LZTS1: variants seen among roughly 807,000 people sequenced by gnomAD.
The protein encoded by LZTS1 is leucine zipper tumor suppressor 1.
In LZTS1, 31 loss-of-function variants were observed where a neutral mutation model predicts 45.8. The ratio of observed to expected loss-of-function variants is 0.68; its 90% CI spans 0.51 to 0.91. The LOEUF (loss-of-function observed/expected upper bound fraction) is 0.91. Among genes scored for constraint, LZTS1 ranks in the 40% least tolerant of loss-of-function variants. The pLI is 0.00. For missense variants in LZTS1, 821 were observed against 788.9 expected, an observed-to-expected ratio of 1.04 and a Z score of -0.49; for synonymous variants, 359 against 357.3, an observed-to-expected ratio of 1.00 and a Z score of -0.05.
chr8:20,285,371 G>C (rs1487916214), intron 1 of LZTS1, among the ~76,000 whole-genome samples: 3 of 151,818 alleles, frequency 2.0e-5, no homozygotes, highest in Admixed American at 1.3e-4. Flanking sequence ...ATGTCTCTGG[G>C]GCTTATCCAT....
chr8:20,267,606 C>G (rs1470398091), intron 1 of LZTS1, among the ~76,000 whole-genome samples: 1 of 152,090 alleles, frequency 6.6e-6, no homozygotes, highest in Non-Finnish European at 1.5e-5. Context: ...ACCTCTGCCT[C>G]CCGGGTTCAA....
At chr8:20,273,318 T>C (rs1011406166) in intron 1 of LZTS1, among the ~76,000 whole-genome samples, 1 of 152,174 alleles carries the variant, frequency 6.6e-6, no homozygotes, top group East Asian at 1.9e-4. Flanking sequence ...TCTGAGACCC[T>C]GACCTCTGCT....
intron 1 of LZTS1, among the ~76,000 whole-genome samples, chr8:20,284,633 G>A (rs559950128): frequency 6.6e-6 from 1 of 151,996 alleles, no homozygotes; most frequent in East Asian, 1.9e-4. Context: ...CTGACCTCGG[G>A]GTACTAAGCC....
chr8:20,250,574 AT>A (rs1799868604), intron 3 of LZTS1, among the ~76,000 whole-genome samples: 1 of 152,280 alleles, frequency 6.6e-6, no homozygotes, highest in Non-Finnish European at 1.5e-5. Context: ...AAATGATAAA[AT>A]AATAATAATC....
At chr8:20,252,194 G>T (rs1203816489) in intron 3 of LZTS1, among the ~76,000 whole-genome samples, 1 of 152,012 alleles carries the variant, frequency 6.6e-6, no homozygotes, top group African/African-American at 2.4e-5. Flanking sequence ...GACCGGGTGA[G>T]TGAGTGTGTG....
At chr8:20,275,370 A>C (rs1800558984) in intron 1 of LZTS1, among the ~76,000 whole-genome samples, 2 of 146,838 alleles carry the variant, frequency 1.4e-5, no homozygotes, top group African/African-American at 2.5e-5. Flanking sequence ...GCGCCACTGC[A>C]CTCCAGCCTG....
At chr8:20,277,115 G>C (rs1800599788) in intron 1 of LZTS1, among the ~76,000 whole-genome samples, 1 of 152,200 alleles carries the variant, frequency 6.6e-6, no homozygotes, top group Admixed American at 6.5e-5. Flanking sequence ...AACAGGCTGT[G>C]GTAAAGAAGC....
At chr8:20,302,573 C>A (rs1801099589) in intron 1 of LZTS1, among the ~76,000 whole-genome samples, 1 of 152,180 alleles carries the variant, frequency 6.6e-6, no homozygotes, top group Admixed American at 6.5e-5. Flanking sequence ...GGCTCCTGGG[C>A]TCCCAGCATT....
At chr8:20,266,312 C>A (rs1007006876) in intron 1 of LZTS1, among the ~76,000 whole-genome samples, 2 of 152,132 alleles carry the variant, frequency 1.3e-5, no homozygotes, top group African/African-American at 2.4e-5. Context: ...CCAGTGTGAG[C>A]CATCACACCT....
chr8:20,259,187 T>A (rs1463559472), intron 1 of LZTS1, among the ~76,000 whole-genome samples: 1 of 151,738 alleles, frequency 6.6e-6, no homozygotes, highest in African/African-American at 2.4e-5. Flanking sequence ...TCGGCAGGAG[T>A]TTGATTTGAA....
In LZTS1 at chr8:20,294,142, G is replaced by T. The variant is rs375701781; in HGVS notation, c.-135+9598C>A. 6.4e-4 allele frequency among the ~76,000 whole-genome samples: 98 copies of T among 152,246 alleles called. 1 individual carries two copies. In the South Asian group the frequency reaches 0.02, roughly 31 times the overall value. On this transcript the variant is annotated intron_variant, in intron 1 of 3. Coordinates refer to ENST00000381569, the MANE Select transcript of LZTS1 (RefSeq NM_021020.5). Reference sequence around the variant, plus strand: ...AGTATCTGAAGTTTTTTCAGCACAGGCTCTTTTGTGTCCTGACAAATCTTA... The same window carrying T: ...AGTATCTGAAGTTTTTTCAGCACAGTCTCTTTTGTGTCCTGACAAATCTTA...
At chr8:20,264,690 C>G (rs984762678) in intron 1 of LZTS1, among the ~76,000 whole-genome samples, 7 of 152,168 alleles carry the variant, frequency 4.6e-5, no homozygotes, top group Non-Finnish European at 7.4e-5. Context: ...CTGAGGCAGC[C>G]TGGAACTCGA....
Position 20,266,691 on chromosome 8 carries a change from A to T in LZTS1, c.-134-11376T>A, listed in dbSNP as rs527346098. Among the ~76,000 whole-genome samples, 145 of 152,368 alleles carry T rather than the reference A, an allele frequency of 9.5e-4. 4 individuals are homozygous for T. The South Asian group carries it at 0.028, about 29-fold the overall frequency. Reference sequence around the variant, plus strand: ...TACACCTAAACAAAAAGGGTTTAAAAAGCAGCATGAATTTAACCAAAAATG... The same window carrying T: ...TACACCTAAACAAAAAGGGTTTAAATAGCAGCATGAATTTAACCAAAAATG... On this transcript the variant is annotated intron_variant, in intron 1 of 3. Transcript: ENST00000381569.
intron 3 of LZTS1, among the ~76,000 whole-genome samples, chr8:20,252,432 C>T (rs996356413): frequency 1.3e-4 from 20 of 152,296 alleles, no homozygotes; most frequent in Non-Finnish European, 2.4e-4. Flanking sequence ...AACTCAGGCA[C>T]GGCTTGTTCT....
chr8:20,285,192 C>T (rs78617647), intron 1 of LZTS1, among the ~76,000 whole-genome samples: 5,307 of 152,288 alleles, frequency 0.035, 134 homozygotes, highest in Non-Finnish European at 0.052. Flanking sequence ...TGCTTCCCTT[C>T]GTAGAGATTC....
At chr8:20,296,111 A>G (rs984289559) in intron 1 of LZTS1, among the ~76,000 whole-genome samples, 3 of 152,236 alleles carry the variant, frequency 2.0e-5, no homozygotes, top group African/African-American at 7.2e-5. Context: ...TTAGCAGTCC[A>G]TGGTGCCAAG....
At chr8:20,254,405 C>T (rs1800033002) in intron 2 of LZTS1, among the ~76,000 whole-genome samples, 1 of 152,134 alleles carries the variant, frequency 6.6e-6, no homozygotes, top group African/African-American at 2.4e-5. Flanking sequence ...ATGAGAAGAC[C>T]GCACCCACCC....
chr8:20,294,241 G>A (rs1276670323), intron 1 of LZTS1, among the ~76,000 whole-genome samples: 1 of 152,206 alleles, frequency 6.6e-6, no homozygotes, highest in African/African-American at 2.4e-5. Context: ...AAGTTTCTAA[G>A]TCAACAGATG....
At chr8:20,260,510 G>A (rs970036914) in intron 1 of LZTS1, among the ~76,000 whole-genome samples, 3 of 152,160 alleles carry the variant, frequency 2.0e-5, no homozygotes, top group Non-Finnish European at 4.4e-5. Flanking sequence ...AAAATCGCAC[G>A]CTGCAATTGG....
Sources: allele counts gnomAD v4.1 joint callset (sites outside exome capture counted in the v4.1 genomes callset), GRCh38; gene constraint gnomAD v4.1.1; transcripts MANE v1.5; gene names NCBI Gene and HGNC (gene_info 2026-07-23, HGNC 2026-07-21).